Variants in IL18RAP observed in about 807,000 individuals in gnomAD.
IL18RAP encodes the protein interleukin-18 receptor accessory protein.
A neutral mutation model predicts 58.1 loss-of-function variants in IL18RAP; 37 were observed. That is an observed-to-expected ratio of 0.64 (90% CI 0.49 to 0.84). IL18RAP has a LOEUF of 0.84. IL18RAP is among the 40% of genes least tolerant of loss of function. The pLI is 0.00. For synonymous variants in IL18RAP, 268 were observed against 257.5 expected (o/e 1.04, Z -0.39); for missense variants, 667 against 704.8 (o/e 0.95, Z 0.61).
chr2:102,420,527 C>T (rs569037893), upstream of IL18RAP, among the ~76,000 whole-genome samples: 111 of 152,276 alleles, frequency 7.3e-4, 1 homozygote, highest in Non-Finnish European at 1.9e-4. Context: ...TATCTGTCAT[C>T]TCAAGGTTGG....
intron 9 of IL18RAP, among the ~76,000 whole-genome samples, chr2:102,451,305 G>C (rs564457446): frequency 1.3e-5 from 2 of 152,158 alleles, no homozygotes; most frequent in African/African-American, 4.8e-5. Flanking sequence ...TGAACTACTC[G>C]CTCACCCCAA....
chr2:102,451,352 C>T (rs1683754193), intron 9 of IL18RAP, among the ~76,000 whole-genome samples: 1 of 152,196 alleles, frequency 6.6e-6, no homozygotes, highest in Non-Finnish European at 1.5e-5. Context: ...CTCTGCCTTC[C>T]ACAAAGCTCA....
intron 3 of IL18RAP, among the ~76,000 whole-genome samples, chr2:102,430,319 T>G (rs905844669): frequency 6.6e-6 from 1 of 152,052 alleles, no homozygotes; most frequent in Non-Finnish European, 1.5e-5. Context: ...ATCTTTCTTG[T>G]TTCTTTTTAT....
At chr2:102,426,204 G>A (rs1681929546) in intron 3 of IL18RAP, among the ~76,000 whole-genome samples, 2 of 152,126 alleles carry the variant, frequency 1.3e-5, no homozygotes, top group African/African-American at 2.4e-5. Context: ...AGGTTCTCAG[G>A]TGGTGGGTAA....
rs1573286034 is a variant in IL18RAP at position 102,437,429 on chromosome 2, TAGTA to T, written c.730+71_730+74del. 10 of 1,507,946 alleles carry T rather than the reference TAGTA, an allele frequency of 6.6e-6. No homozygotes were observed. In the East Asian group the frequency reaches 2.3e-4, roughly 35 times the overall value. 93.4% of individuals were successfully genotyped at this position (1,507,946 alleles called of 1,614,324 possible). A position where few individuals can be genotyped will look rare whatever the true frequency, so the allele number is the denominator to read the frequency against. On this transcript the variant is annotated intron_variant, in intron 4 of 9. Transcript: ENST00000687160. ...AAATTAAAATTATCTTCTTTTGGCT[TAGTA>T]AGTTTTTCCTCTTAGGGAAAGAAAA...
intron 1 of IL18RAP, among the ~76,000 whole-genome samples, chr2:102,423,573 G>T (rs769925625): frequency 6.6e-6 from 1 of 152,254 alleles, no homozygotes; most frequent in East Asian, 1.9e-4. Flanking sequence ...ATCAGCTGAC[G>T]AGGGATGAGC....
chr2:102,448,561 A>T (rs997764891), intron 8 of IL18RAP, among the ~76,000 whole-genome samples: 23 of 152,128 alleles, frequency 1.5e-4, no homozygotes, highest in African/African-American at 5.6e-4. Context: ...TTTCACGGAT[A>T]ATTATTTACC....
rs554697388 is a variant in IL18RAP, at chr2:102,423,470, G to T, written c.70+123G>T. Reference sequence around the variant, plus strand: ...AACCTTTCCATCCTACTATTAAAAGGGGACTGAGAGGAGAATTATTAGGGT... The same window carrying T: ...AACCTTTCCATCCTACTATTAAAAGTGGACTGAGAGGAGAATTATTAGGGT... On this transcript the variant is annotated intron_variant, in intron 1 of 9. Transcript: ENST00000687160. 6.1e-4 allele frequency: 509 copies of T among 834,232 alleles called. 1 individual carries two copies. The African/African-American group carries it at 6.8e-3, about 11-fold the overall frequency. The allele number at this position is 834,232 out of a possible 1,614,324, so 51.7% of individuals were successfully genotyped here. A position where few individuals can be genotyped will look rare whatever the true frequency, so the allele number is the denominator to read the frequency against.
intron 3 of IL18RAP, among the ~76,000 whole-genome samples, chr2:102,431,353 C>T (rs536882978): frequency 4.0e-4 from 61 of 152,268 alleles, no homozygotes; most frequent in African/African-American, 1.5e-3. Context: ...AATATTCTTT[C>T]TTTGTCTTTG....
In IL18RAP at chr2:102,450,981, T is replaced by G; in HGVS notation, c.1344T>G (p.Tyr448Ter). Residue 448 changes from tyrosine (Y) to a stop codon, truncating the protein, a stop_gained, in exon 9 of 10, where the codon TAT (tyrosine) becomes TAG (stop). Coordinates refer to ENST00000687160, the MANE Select transcript of IL18RAP (RefSeq NM_001393487.1). LOFTEE classifies it low-confidence loss of function (END_TRUNC). Reference sequence around the variant, plus strand: ...ATGTTTTAGAAAACAAATATGGATATAGCCTGTGTTTGCTTGAAAGAGATG... The same window carrying G: ...ATGTTTTAGAAAACAAATATGGATAGAGCCTGTGTTTGCTTGAAAGAGATG... ...FPDVLENKYG[Y>*]SLCLLERDVA... The G allele has an allele frequency of 6.2e-7, 1 of 1,607,214 alleles. No homozygotes were observed. Among genetic ancestry groups the G allele is most frequent in the Non-Finnish European group, 8.5e-7 (1 of 1,177,586 alleles).
intron 3 of IL18RAP, among the ~76,000 whole-genome samples, chr2:102,429,588 G>A (rs1335267025): frequency 1.3e-5 from 2 of 151,038 alleles, no homozygotes; most frequent in Non-Finnish European, 3.0e-5. Context: ...TTTTATCTTT[G>A]TTACTTCCTT....
intron 9 of IL18RAP, 73 bp downstream of exon 9, chr2:102,451,094 C>A: frequency 1.6e-6 from 2 of 1,277,444 alleles, no homozygotes; most frequent in South Asian, 1.6e-5. Context: ...TCTTTTTTGT[C>A]ATTCTTTGTT....
Position 102,444,316 on chromosome 2 carries a change from G to A in IL18RAP, c.921-873G>A, listed in dbSNP as rs111598391. Reference sequence around the variant, plus strand: ...ACAGTAGGAGAGTGTAGTCAAGAGGGTATGTTTTGACATCACCCACCCTTG... The same window carrying A: ...ACAGTAGGAGAGTGTAGTCAAGAGGATATGTTTTGACATCACCCACCCTTG... On this transcript the variant is annotated intron_variant, in intron 6 of 9. Coordinates refer to ENST00000687160, the MANE Select transcript of IL18RAP (RefSeq NM_001393487.1). Among the ~76,000 whole-genome samples, 45 of 152,220 alleles carry A rather than the reference G, an allele frequency of 3.0e-4. 1 individual carries two copies. The highest frequency in any genetic ancestry group is 1.1e-3 in the African/African-American group (44 of 41,522).
At chr2:102,430,090 G>C (rs1014161505) in intron 3 of IL18RAP, among the ~76,000 whole-genome samples, 3 of 151,986 alleles carry the variant, frequency 2.0e-5, no homozygotes, top group African/African-American at 7.2e-5. Flanking sequence ...TTGGTCAAAA[G>C]CGTAATTCAA....
intron 4 of IL18RAP, among the ~76,000 whole-genome samples, chr2:102,438,159 T>C (rs1055566095): frequency 6.6e-6 from 1 of 152,262 alleles, no homozygotes; most frequent in African/African-American, 2.4e-5. Flanking sequence ...TTGTCTGTTT[T>C]TGTCCTAACC....
upstream of IL18RAP, among the ~76,000 whole-genome samples, chr2:102,420,932 T>C (rs1681536790): frequency 6.6e-6 from 1 of 152,238 alleles, no homozygotes; most frequent in Admixed American, 6.5e-5. Flanking sequence ...TATTACTAAT[T>C]GTTCATTTGG....
chr2:102,424,234 C>A lies in IL18RAP; in HGVS notation c.399C>A (p.Ser133Arg), dbSNP rs759002759. ...CAGGATCTTGTTAATTTCCTAGGAG[C>A]CCCTATGATGTAGCCTGTTGTGTCA... ...SYICRPKMIK[S>R]PYDVACCVKM... The change falls in exon 3 of 10, where the codon AGC becomes AGA. Residue 133 changes from serine (S) to arginine (R), a missense_variant. Transcript: ENST00000687160. 8 of 1,613,564 alleles carry A rather than the reference C, an allele frequency of 5.0e-6. No homozygotes were observed. Among genetic ancestry groups the A allele is most frequent in the South Asian group, 1.1e-5 (1 of 91,026 alleles).
At chr2:102,438,134 GC>G (rs1419089215) in intron 4 of IL18RAP, among the ~76,000 whole-genome samples, 2 of 152,068 alleles carry the variant, frequency 1.3e-5, no homozygotes, top group Admixed American at 1.3e-4. Flanking sequence ...TGGTTCATTG[GC>G]TTTCTTCCGC....
chr2:102,451,472 C>T (rs1388704231), intron 9 of IL18RAP, among the ~76,000 whole-genome samples: 2 of 152,236 alleles, frequency 1.3e-5, no homozygotes, highest in South Asian at 2.1e-4. Context: ...GATACCCCCA[C>T]CAAGGAGCCT....
Sources: allele counts gnomAD v4.1 joint callset (sites outside exome capture counted in the v4.1 genomes callset), GRCh38; gene constraint gnomAD v4.1.1; transcripts MANE v1.5; gene names NCBI Gene and HGNC (gene_info 2026-07-23, HGNC 2026-07-21).